The following NCALD variants were observed in gnomAD, a reference collection of about 807,000 sequenced individuals.
The protein encoded by NCALD is neurocalcin-delta.
NCALD carries 10 observed loss-of-function variants against 18.6 expected under a neutral mutation model. The observed-to-expected ratio is 0.54, with a 90% CI of 0.33 to 0.91. NCALD has a LOEUF of 0.91. Ranked by LOEUF, NCALD falls within the 40% of genes least tolerant of loss-of-function variation. NCALD has a pLI of 0.03. For synonymous variants in NCALD, 88 were observed against 87.4 expected (o/e 1.01, Z -0.04); for missense variants, 184 against 247.6 (o/e 0.74, Z 1.72).
intron 4 of NCALD, among the ~76,000 whole-genome samples, chr8:101,868,226 T>C (rs903862087): frequency 6.6e-6 from 1 of 152,088 alleles, no homozygotes; most frequent in Non-Finnish European, 1.5e-5. Flanking sequence ...GCCCCACTTT[T>C]GCCTTTTTTT....
chr8:101,931,892 C>T (rs1262229179), intron 2 of NCALD, among the ~76,000 whole-genome samples: 6 of 152,114 alleles, frequency 3.9e-5, no homozygotes, highest in Non-Finnish European at 7.4e-5. Flanking sequence ...TGGGGTGTCT[C>T]ACTCATAGCC....
intron 4 of NCALD, among the ~76,000 whole-genome samples, chr8:101,867,966 C>T (rs79248382): frequency 0.042 from 6,400 of 152,254 alleles, 301 homozygotes; most frequent in African/African-American, 0.12. Flanking sequence ...CCCCCGCCAA[C>T]CTTTTTTTTG....
chr8:101,769,429 C>T (rs1223047445), intron 1 of NCALD, among the ~76,000 whole-genome samples: 1 of 152,070 alleles, frequency 6.6e-6, no homozygotes, highest in Non-Finnish European at 1.5e-5. Flanking sequence ...TAATATACTA[C>T]CTATAAGCTT....
intron 4 of NCALD, among the ~76,000 whole-genome samples, chr8:101,857,468 A>G (rs1302825982): frequency 6.6e-6 from 1 of 152,218 alleles, no homozygotes; most frequent in African/African-American, 2.4e-5. Context: ...TTAGTCTTCA[A>G]GCATAAAGCC....
intron 4 of NCALD, among the ~76,000 whole-genome samples, chr8:101,833,975 T>C (rs1776197866): frequency 6.6e-6 from 1 of 152,220 alleles, no homozygotes; most frequent in South Asian, 2.1e-4. Context: ...TGAGAATTTA[T>C]AGAAGCTTAA....
chr8:101,817,301 T>C (rs1813535103), intron 4 of NCALD, among the ~76,000 whole-genome samples: 1 of 152,134 alleles, frequency 6.6e-6, no homozygotes, highest in African/African-American at 2.4e-5. Context: ...GGGAAGCAGA[T>C]CAAGCGCTTG....
At chr8:102,034,488 A>G (rs1234520798) in intron 1 of NCALD, among the ~76,000 whole-genome samples, 2 of 152,212 alleles carry the variant, frequency 1.3e-5, no homozygotes, top group Non-Finnish European at 2.9e-5. Flanking sequence ...TGTGCCTAAC[A>G]GTGTATCGCC....
At chr8:101,786,334 C>T (rs1352841047) in intron 1 of NCALD, among the ~76,000 whole-genome samples, 1 of 152,190 alleles carries the variant, frequency 6.6e-6, no homozygotes, top group African/African-American at 2.4e-5. Context: ...AGGATCCCAT[C>T]AGGGGAGGAC....
intron 3 of NCALD, among the ~76,000 whole-genome samples, chr8:101,897,691 T>G (rs550085860): frequency 9.2e-5 from 14 of 152,082 alleles, no homozygotes; most frequent in African/African-American, 3.4e-4. Context: ...TCCAGGAGAG[T>G]GTTTCTGGGT....
intron 4 of NCALD, among the ~76,000 whole-genome samples, chr8:101,804,536 T>C (rs1323775819): frequency 8.1e-6 from 1 of 124,140 alleles, no homozygotes; most frequent in Non-Finnish European, 1.6e-5. Flanking sequence ...TTATATAATA[T>C]ATAATTAATA....
At chr8:101,859,605 G>A (rs1815458406) in intron 4 of NCALD, among the ~76,000 whole-genome samples, 1 of 152,076 alleles carries the variant, frequency 6.6e-6, no homozygotes, top group Admixed American at 6.6e-5. Context: ...GAAGCTAAAC[G>A]TATGATAGCA....
At chr8:102,024,285 A>C (rs953733808) in intron 1 of NCALD, among the ~76,000 whole-genome samples, 6 of 152,218 alleles carry the variant, frequency 3.9e-5, no homozygotes, top group Non-Finnish European at 8.8e-5. Context: ...ATTCCGAATA[A>C]AGCAATCTGT....
At chr8:101,886,727 C>T (rs2131484698) in intron 4 of NCALD, among the ~76,000 whole-genome samples, 1 of 152,302 alleles carries the variant, frequency 6.6e-6, no homozygotes, top group South Asian at 2.1e-4. Context: ...CCTCTACTTG[C>T]TGCATAATAT....
intron 2 of NCALD, among the ~76,000 whole-genome samples, chr8:101,968,950 C>T (rs1820136088): frequency 6.6e-6 from 1 of 152,118 alleles, no homozygotes; most frequent in South Asian, 2.1e-4. Context: ...CTCTGAGGAC[C>T]CCAGTTGCTT....
At position 101,692,773 on chromosome 8, in the gene NCALD, G is replaced by A. The variant is rs771787737; in HGVS notation, c.484+18C>T. 6.3e-7 allele frequency: 1 copy of A among 1,596,208 alleles called. No individual in the cohort carries two copies. Among genetic ancestry groups the A allele is most frequent in the Non-Finnish European group, 8.6e-7 (1 of 1,164,260 alleles). ...GCAGCCCCCATCTGAGCAAAGCAGT[G>A]TAGCCCCCGCCTCCTACCGTCTCTA... On this transcript the variant is annotated intron_variant, in intron 3 of 3. Coordinates refer to ENST00000220931, the MANE Select transcript of NCALD (RefSeq NM_032041.3).
intron 1 of NCALD, among the ~76,000 whole-genome samples, chr8:102,104,645 A>G (rs978794047): frequency 6.6e-6 from 1 of 152,138 alleles, no homozygotes; most frequent in Admixed American, 6.5e-5. Flanking sequence ...AGTTATTTGT[A>G]ATAGACCTGC....
intron 2 of NCALD, among the ~76,000 whole-genome samples, chr8:102,012,040 G>C (rs1821920572): frequency 6.6e-6 from 1 of 152,180 alleles, no homozygotes; most frequent in South Asian, 2.1e-4. Context: ...TGAGGCAATG[G>C]CCACTGTGAG....
intron 3 of NCALD, among the ~76,000 whole-genome samples, chr8:101,913,196 G>A (rs563524889): frequency 6.6e-6 from 1 of 152,320 alleles, no homozygotes; most frequent in South Asian, 2.1e-4. Flanking sequence ...AATACTCATT[G>A]TTTTAAGTCA....
intron 1 of NCALD, among the ~76,000 whole-genome samples, chr8:101,782,014 C>T (rs1158106877): frequency 1.3e-5 from 2 of 150,068 alleles, no homozygotes; most frequent in Non-Finnish European, 3.0e-5. Context: ...TCATTGGTGA[C>T]ATGATTCAAA....
Sources: gnomAD v4.1 joint callset for allele counts (sites outside exome capture counted in the v4.1 genomes callset) on GRCh38, gnomAD v4.1.1 for gene constraint, MANE v1.5 for transcripts, NCBI Gene and HGNC (gene_info 2026-07-23, HGNC 2026-07-21) for gene names.